Variants in CNTN5 observed in about 807,000 individuals in gnomAD.
CNTN5 encodes contactin-5.
A neutral mutation model predicts 129.1 loss-of-function variants in CNTN5; 77 were observed. The observed-to-expected ratio is 0.60, with a 90% CI of 0.50 to 0.72. The LOEUF is 0.72. CNTN5 is among the 30% of genes least tolerant of loss of function. CNTN5 has a pLI of 0.00. For synonymous variants in CNTN5, 509 were observed against 465.6 expected (o/e 1.09, Z -1.20); for missense variants, 1,478 against 1,328.8 (o/e 1.11, Z -1.75).
chr11:99,434,090 A>C (rs531237955), intron 2 of CNTN5, among the ~76,000 whole-genome samples: 1 of 152,280 alleles, frequency 6.6e-6, no homozygotes, highest in East Asian at 1.9e-4. Flanking sequence ...AGGCCCCAAT[A>C]TAATCTTCGG....
intron 20 of CNTN5, among the ~76,000 whole-genome samples, chr11:100,301,676 A>G (rs1333389507): frequency 6.6e-6 from 1 of 151,628 alleles, no homozygotes; most frequent in African/African-American, 2.4e-5. Flanking sequence ...GAGTGTGTCA[A>G]CCAAGAAAGG....
At chr11:99,346,739 A>G (rs1219666651) in intron 2 of CNTN5, among the ~76,000 whole-genome samples, 1 of 152,234 alleles carries the variant, frequency 6.6e-6, no homozygotes, top group African/African-American at 2.4e-5. Flanking sequence ...AGAATAGGTC[A>G]TAAGTATGAG....
At chr11:99,160,480 A>G (rs773834565) in intron 1 of CNTN5, among the ~76,000 whole-genome samples, 25 of 152,182 alleles carry the variant, frequency 1.6e-4, no homozygotes, top group Admixed American at 3.3e-4. Flanking sequence ...ACTAGTCTCC[A>G]ATTTTTACAC....
intron 1 of CNTN5, among the ~76,000 whole-genome samples, chr11:99,247,853 G>A (rs995591314): frequency 1.3e-5 from 2 of 152,076 alleles, no homozygotes; most frequent in Non-Finnish European, 2.9e-5. Flanking sequence ...TCTTAATCCA[G>A]TCTATCATTG....
rs950402821 is a variant in CNTN5 at position 99,897,880 on chromosome 11, C to T, written c.578-18174C>T. Among the ~76,000 whole-genome samples, 9 of 152,112 alleles carry T rather than the reference C, an allele frequency of 5.9e-5. 1 individual carries two copies. Among genetic ancestry groups the T allele is most frequent in the African/African-American group, 2.2e-4 (9 of 41,450 alleles). On this transcript the variant is annotated intron_variant, in intron 6 of 24. Coordinates refer to ENST00000524871, the MANE Select transcript of CNTN5 (RefSeq NM_014361.4). The stretch of plus-strand genomic sequence containing the variant: ...GGATAAATAAATAAGATCTAATGAT[C>T]TGCTGTCTTCAGGAGACCTATCTCA...
Position 99,732,830 on chromosome 11 carries a change from C to T in CNTN5, c.56-86714C>T, listed in dbSNP as rs555904702. On this transcript the variant is annotated intron_variant, in intron 3 of 24. Transcript: ENST00000524871. The stretch of plus-strand genomic sequence containing the variant: ...TATGAAAGATTAGTGGGACTGAAAG[C>T]GACCAGTTAAGATGCTGGTGGAATA... Among the ~76,000 whole-genome samples, 138 of 151,016 alleles carry T rather than the reference C, an allele frequency of 9.1e-4. No homozygotes were observed. The South Asian group carries it at 0.016, about 18-fold the overall frequency.
intron 2 of CNTN5, among the ~76,000 whole-genome samples, chr11:99,387,913 T>C (rs1284719620): frequency 1.3e-5 from 2 of 152,136 alleles, no homozygotes; most frequent in Non-Finnish European, 2.9e-5. Flanking sequence ...CAACCAGCAT[T>C]CAAGACAAAT....
chr11:99,966,078 T>C (rs1951085873), intron 8 of CNTN5, among the ~76,000 whole-genome samples: 1 of 152,010 alleles, frequency 6.6e-6, no homozygotes, highest in Non-Finnish European at 1.5e-5. Context: ...TCTGTAGGGG[T>C]TTGAATATAA....
intron 3 of CNTN5, among the ~76,000 whole-genome samples, chr11:99,631,900 C>T (rs916265403): frequency 1.3e-5 from 2 of 152,076 alleles, no homozygotes; most frequent in African/African-American, 2.4e-5. Context: ...GAGAGACAGA[C>T]CACATTCGTG....
rs999075063 is a variant in CNTN5, at chr11:99,134,137, C to A, written c.-210+112867C>A. ...TGAAGCTTGAAGCCATTATCCTCAGCAAACTAACTCAGGGACAGAAAACCA... is the reference window on the plus strand; with the variant it reads ...TGAAGCTTGAAGCCATTATCCTCAGAAAACTAACTCAGGGACAGAAAACCA... On this transcript the variant is annotated intron_variant, in intron 1 of 24. Transcript: ENST00000524871. Among the ~76,000 whole-genome samples the A allele has an allele frequency of 2.6e-5, 4 of 152,096 alleles. 1 individual carries two copies. The highest frequency in any genetic ancestry group is 6.5e-5 in the Admixed American group (1 of 15,270).
At chr11:99,263,651 C>T (rs1565447394) in intron 1 of CNTN5, among the ~76,000 whole-genome samples, 1 of 152,080 alleles carries the variant, frequency 6.6e-6, no homozygotes, top group Non-Finnish European at 1.5e-5. Flanking sequence ...GGTTCTTGCC[C>T]TGTCACCCAG....
intron 3 of CNTN5, among the ~76,000 whole-genome samples, chr11:99,731,840 C>T (rs528975739): frequency 4.6e-5 from 7 of 152,250 alleles, no homozygotes; most frequent in Admixed American, 1.3e-4. Flanking sequence ...CATCACTTCT[C>T]CCACATTCTG....
At chr11:99,654,299 G>A (rs941872411) in intron 3 of CNTN5, among the ~76,000 whole-genome samples, 1 of 152,068 alleles carries the variant, frequency 6.6e-6, no homozygotes. Flanking sequence ...AACAGTGTTA[G>A]AATTTTGAGA....
At chr11:100,250,330 T>C (rs1362042981) in intron 16 of CNTN5, among the ~76,000 whole-genome samples, 4 of 152,136 alleles carry the variant, frequency 2.6e-5, no homozygotes, top group Non-Finnish European at 5.9e-5. Context: ...TTATACAACA[T>C]TCCACACTCA....
At chr11:100,116,270 A>G (rs1228649595) in intron 13 of CNTN5, among the ~76,000 whole-genome samples, 1 of 152,108 alleles carries the variant, frequency 6.6e-6, no homozygotes, top group Non-Finnish European at 1.5e-5. Flanking sequence ...TATATAAAAG[A>G]GAAAATACAT....
At chr11:99,131,499 C>T (rs927715011) in intron 1 of CNTN5, among the ~76,000 whole-genome samples, 3 of 151,318 alleles carry the variant, frequency 2.0e-5, no homozygotes, top group African/African-American at 7.3e-5. Flanking sequence ...TAAAATAGAC[C>T]ACAAGTGAGA....
At chr11:99,613,785 C>A (rs572487815) in intron 3 of CNTN5, among the ~76,000 whole-genome samples, 1 of 152,094 alleles carries the variant, frequency 6.6e-6, no homozygotes, top group Non-Finnish European at 1.5e-5. Flanking sequence ...TAAAAAGCAT[C>A]CACTAAATAA....
chr11:99,033,877 C>T (rs1382616596), intron 1 of CNTN5, among the ~76,000 whole-genome samples: 1 of 150,832 alleles, frequency 6.6e-6, no homozygotes, highest in African/African-American at 2.4e-5. Flanking sequence ...CCAGTTTTTG[C>T]CCATTCAGTA....
intron 7 of CNTN5, among the ~76,000 whole-genome samples, chr11:99,949,242 G>A (rs1421299873): frequency 6.6e-6 from 1 of 151,984 alleles, no homozygotes; most frequent in East Asian, 1.9e-4. Flanking sequence ...TGTTGTTGTC[G>A]TTATGCCCAC....
Sources: gnomAD v4.1 joint callset for allele counts (sites outside exome capture counted in the v4.1 genomes callset) on GRCh38, gnomAD v4.1.1 for gene constraint, MANE v1.5 for transcripts, NCBI Gene and HGNC (gene_info 2026-07-23, HGNC 2026-07-21) for gene names.